The following KIF3A variants were observed in gnomAD, a reference collection of about 807,000 sequenced individuals.
KIF3A encodes the protein kinesin-like protein KIF3A.
A neutral mutation model predicts 92.6 loss-of-function variants in KIF3A; 27 were observed. The observed-to-expected ratio is 0.29, with a 90% confidence interval of 0.21 to 0.40. KIF3A has a LOEUF of 0.40. Ranked by LOEUF, KIF3A falls within the 10% of genes least tolerant of loss-of-function variation. The pLI, the probability that KIF3A is intolerant of heterozygous loss-of-function variation, is 1.00. For synonymous variants in KIF3A, 250 were observed against 275.4 expected, an observed-to-expected ratio of 0.91 and a Z score of 0.92; for missense variants, 581 against 872.6, an observed-to-expected ratio of 0.67 and a Z score of 4.21.
At position 132,708,917 on chromosome 5, in the gene KIF3A, C is replaced by T. The variant is rs1295449814; in HGVS notation, c.1290G>A (p.Lys430=). 3.2e-6 allele frequency: 5 copies of T among 1,549,596 alleles called. No homozygotes were observed. The highest frequency in any genetic ancestry group is 1.2e-5 in the South Asian group (1 of 84,028). ...AGAGCTACCACTCACTAGGCAAGAA[C>T]TTATCCAGAGGTTTCTCTATGACAG... ...TCSVIEKPLD[K]FLPNQAGKKK... The change falls in exon 10 of 19, where the codon AAG becomes AAA. Residue 430 remains lysine, a synonymous_variant. Coordinates refer to ENST00000403231, the MANE Select transcript of KIF3A (RefSeq NM_001300791.2).
chr5:132,718,783 C>T (rs935267074), intron 5 of KIF3A, among the ~76,000 whole-genome samples: 2 of 152,184 alleles, frequency 1.3e-5, no homozygotes, highest in African/African-American at 2.4e-5. Flanking sequence ...TAAGCCACCA[C>T]GTCTGGCTGA....
chr5:132,718,949 C>T (rs770539804), intron 5 of KIF3A, among the ~76,000 whole-genome samples: 17 of 152,140 alleles, frequency 1.1e-4, no homozygotes, highest in African/African-American at 1.7e-4. Flanking sequence ...TTTTTAACAG[C>T]TTTATTACAG....
chr5:132,737,483 C>T lies in KIF3A; in HGVS notation c.-64G>A. The T allele has an allele frequency of 9.5e-6, 15 of 1,582,298 alleles. No individual in the cohort carries two copies. Among genetic ancestry groups the T allele is most frequent in the Non-Finnish European group, 1.3e-5 (15 of 1,163,278 alleles). On this transcript the variant is annotated 5_prime_UTR_variant, in exon 1 of 19. Transcript: ENST00000403231. The stretch of plus-strand genomic sequence containing the variant: ...GGGTGCAGCCCAGCGACACCGGGTG[C>T]GCAGAAAGGATGGCCAGAGACTACC...
At position 132,734,420 on chromosome 5, in the gene KIF3A, C is replaced by T. The variant is rs760137815; in HGVS notation, c.65G>A (p.Arg22Gln). Residue 22 changes from arginine (R) to glutamine (Q), a missense_variant, in exon 2 of 19, where the codon CGG (arginine) becomes CAG (glutamine). Arg to Gln is a conservative substitution (Grantham distance 43). Coordinates refer to ENST00000403231, the MANE Select transcript of KIF3A (RefSeq NM_001300791.2). ...TGATTTCTCTCTCTCATTGAGGGGC[C>T]GGCACCTAACAACAACCTTCACATT... ...CDNVKVVVRCRPLNEREKSMC... is the reference protein window; with the variant it reads ...CDNVKVVVRCQPLNEREKSMC... 2.5e-6 allele frequency: 4 copies of T among 1,613,884 alleles called. No homozygotes were observed. Among genetic ancestry groups the T allele is most frequent in the Admixed American group, 1.7e-5 (1 of 59,980 alleles).
At chr5:132,724,797 A>T (rs1294075703) in intron 4 of KIF3A, among the ~76,000 whole-genome samples, 26 of 33,816 alleles carry the variant, frequency 7.7e-4, no homozygotes, top group Admixed American at 2.8e-3. Flanking sequence ...TATAATAAAA[A>T]AAAAAAAAAA....
chr5:132,696,932 T>A (rs977742933), intron 18 of KIF3A, among the ~76,000 whole-genome samples: 8 of 152,202 alleles, frequency 5.3e-5, no homozygotes, highest in Non-Finnish European at 8.8e-5. Context: ...GGACAGGTGA[T>A]AATTTCCAAG....
At chr5:132,707,121 G>T (rs2299009) in intron 10 of KIF3A, among the ~76,000 whole-genome samples, 85,219 of 150,848 alleles carry the variant, frequency 0.56, 26,780 homozygotes, top group Non-Finnish European at 0.73. Flanking sequence ...TTCCCAACCG[G>T]ATTAAGGGCT....
At chr5:132,708,457 A>C (rs1253009743) in intron 10 of KIF3A, among the ~76,000 whole-genome samples, 1 of 152,148 alleles carries the variant, frequency 6.6e-6, no homozygotes, top group Non-Finnish European at 1.5e-5. Context: ...AGAATAGGAC[A>C]CCAAAGTGTA....
chr5:132,726,240 A>T (rs1296930842), intron 3 of KIF3A, 28 bp from the exon 4 acceptor site: 2 of 1,587,712 alleles, frequency 1.3e-6, no homozygotes, highest in Non-Finnish European at 1.7e-6. Context: ...TAAAAAGTCA[A>T]AGAGTGAAAT....
At chr5:132,707,801 G>T (rs1281154621) in intron 10 of KIF3A, among the ~76,000 whole-genome samples, 3 of 152,098 alleles carry the variant, frequency 2.0e-5, no homozygotes, top group African/African-American at 7.2e-5. Flanking sequence ...ACAGTAAGCT[G>T]CAGGCTGGTA....
intron 10 of KIF3A, 54 bp downstream of exon 10, chr5:132,708,853 A>T (rs1229533083): frequency 4.9e-6 from 6 of 1,219,310 alleles, no homozygotes; most frequent in Non-Finnish European, 7.1e-6. Flanking sequence ...AATGAAGCCC[A>T]TGGGTTATGG....
At chr5:132,707,921 G>C (rs1318020975) in intron 10 of KIF3A, among the ~76,000 whole-genome samples, 1 of 152,184 alleles carries the variant, frequency 6.6e-6, no homozygotes, top group Non-Finnish European at 1.5e-5. Flanking sequence ...CTTTAAGTTT[G>C]AAATAAGTCT....
At chr5:132,735,531 A>C (rs1289084179) in intron 1 of KIF3A, among the ~76,000 whole-genome samples, 2 of 152,188 alleles carry the variant, frequency 1.3e-5, no homozygotes, top group African/African-American at 2.4e-5. Context: ...ATTGTCATTG[A>C]CTCTGACATT....
chr5:132,711,079 A>G (rs757432080), intron 8 of KIF3A, 22 bp from the exon 9 acceptor site: 2 of 1,604,620 alleles, frequency 1.2e-6, no homozygotes, highest in Admixed American at 1.7e-5. Context: ...ATTTAATACA[A>G]TGTTTTTTAT....
downstream of KIF3A, among the ~76,000 whole-genome samples, chr5:132,690,641 T>A (rs1485623288): frequency 6.8e-6 from 1 of 147,354 alleles, no homozygotes; most frequent in East Asian, 1.9e-4. Context: ...AAAATAAAAA[T>A]TTCAGGCCGG....
rs543533450 is a variant in KIF3A at position 132,732,613 on chromosome 5, A to G, written c.280+1592T>C. ...AATATGGTGAAACCCCGTCTCTACT[A>G]AAAATACAAAAATCAGCCAGGTGCA... On this transcript the variant is annotated intron_variant, in intron 2 of 18. Coordinates refer to ENST00000403231, the MANE Select transcript of KIF3A (RefSeq NM_001300791.2). 5.8e-4 allele frequency among the ~76,000 whole-genome samples: 89 copies of G among 152,176 alleles called. 1 individual carries two copies. Among genetic ancestry groups the G allele is most frequent in the Non-Finnish European group, 8.8e-4 (60 of 68,024 alleles).
At chr5:132,689,369 A>G (rs1235481839), downstream of KIF3A, among the ~76,000 whole-genome samples, 1 of 152,216 alleles carries the variant, frequency 6.6e-6, no homozygotes, top group Non-Finnish European at 1.5e-5. Context: ...AAAGTGATTT[A>G]TTGGAAAAGA....
At chr5:132,710,103 T>C (rs1441182608) in intron 9 of KIF3A, among the ~76,000 whole-genome samples, 5 of 152,208 alleles carry the variant, frequency 3.3e-5, no homozygotes, top group Non-Finnish European at 7.3e-5. Context: ...TCCATTTCAT[T>C]TGCATATTAT....
At chr5:132,736,751 C>T (rs971170374) in intron 1 of KIF3A, 32 of 467,074 alleles carry the variant, frequency 6.9e-5, no homozygotes, top group Non-Finnish European at 1.3e-4. Context: ...TTATCCGAGG[C>T]CTCACAACCA....
Sources: gnomAD v4.1 joint callset for allele counts (sites outside exome capture counted in the v4.1 genomes callset) on GRCh38, gnomAD v4.1.1 for gene constraint, MANE v1.5 for transcripts, NCBI Gene and HGNC (gene_info 2026-07-23, HGNC 2026-07-21) for gene names.